The following ZC4H2 variants were observed in gnomAD, a reference collection of about 807,000 sequenced individuals.
ZC4H2 encodes the protein zinc finger C4H2-type containing.
For missense variants in ZC4H2, 137 were observed against 173.9 expected (o/e 0.79, Z 1.19); for synonymous variants, 84 against 66.3 (o/e 1.27, Z -1.30).
intron 1 of ZC4H2, among the ~76,000 whole-genome samples, chrX:65,000,406 G>A (rs1486566706): frequency 8.9e-6 from 1 of 111,845 alleles, no homozygotes; most frequent in East Asian, 2.8e-4. Flanking sequence ...AAAAAAGGAC[G>A]TCCTGGCAGA....
At chrX:65,014,580 T>C (rs1441306426) in intron 1 of ZC4H2, among the ~76,000 whole-genome samples, 1 of 111,915 alleles carries the variant, frequency 8.9e-6, no homozygotes, top group Non-Finnish European at 1.9e-5. Context: ...AAACTGGGTT[T>C]AAGTCTTCAT....
upstream of ZC4H2, among the ~76,000 whole-genome samples, chrX:64,981,449 G>A (rs922515374): frequency 9.0e-6 from 1 of 110,705 alleles, no homozygotes; most frequent in Non-Finnish European, 1.9e-5. Context: ...AAGAAAAATG[G>A]GCTGATTGGG....
At chrX:64,974,973 CAAAAAAAAAAA>C (rs58569761) in intron 1 of ZC4H2, among the ~76,000 whole-genome samples, 2 of 35,862 alleles carry the variant, frequency 5.6e-5, no homozygotes, top group African/African-American at 7.4e-5. Context: ...ATGCTTTTGC[CAAAAAAAAAAA>C]AAAAAAAAAA....
rs754793195 is a variant in ZC4H2, at chrX:64,921,961, G to C, written c.81C>G (p.Ile27Met). 9 of 1,208,217 alleles carry C rather than the reference G, an allele frequency of 7.4e-6. No homozygotes were observed. In the East Asian group the frequency reaches 2.7e-4, roughly 36 times the overall value. ...CAAACTCAGCCTTCAAACGAGCCTT[G>C]ATCTTCTCCATCTGCAGGGTCTTGT... The part of the protein sequence containing the change: ...IRNKTLQMEK[I>M]KARLKAEFEA... The change falls in exon 2 of 5, where the codon ATC becomes ATG. Residue 27 changes from isoleucine (I) to methionine (M), a missense_variant. Transcript: ENST00000374839.
intron 1 of ZC4H2, among the ~76,000 whole-genome samples, chrX:65,007,132 CAA>C (rs200994633): frequency 8.9e-5 from 8 of 90,244 alleles, no homozygotes; most frequent in Admixed American, 1.2e-4. Context: ...ACTTGTTGTT[CAA>C]AAAAAAAAAA....
intron 1 of ZC4H2, chrX:64,965,569 A>T (rs776317469): frequency 2.5e-5 from 7 of 281,078 alleles, no homozygotes; most frequent in Admixed American, 9.2e-5. Flanking sequence ...GACTTAGGCA[A>T]ACATTTCTCC....
rs1466782722 is a variant in ZC4H2 at position 64,961,489 on chromosome X, T to C, written c.53+14836A>G. Among the ~76,000 whole-genome samples, 5 of 111,285 alleles carry C rather than the reference T, an allele frequency of 4.5e-5. No individual in the cohort carries two copies. The Admixed American group carries it at 4.8e-4, about 11-fold the overall frequency. Reference sequence around the variant, plus strand: ...AGTTTTTCCTCAAGCTTTTTGAACATATGAAATGGATTTATAATAACTTTT... The same window carrying C: ...AGTTTTTCCTCAAGCTTTTTGAACACATGAAATGGATTTATAATAACTTTT... On this transcript the variant is annotated intron_variant, in intron 1 of 4. Transcript: ENST00000374839.
At chrX:64,941,447 G>C (rs1930277109) in intron 1 of ZC4H2, among the ~76,000 whole-genome samples, 1 of 111,977 alleles carries the variant, frequency 8.9e-6, no homozygotes, top group Non-Finnish European at 1.9e-5. Context: ...GGAGTGGTGA[G>C]AGAGGTCATT....
chrX:64,954,326 A>ATATATATATAAT lies in ZC4H2; in HGVS notation c.53+21998_53+21999insATTATATATATA, dbSNP rs1931035787. Among the ~76,000 whole-genome samples, 2 of 78,221 alleles carry ATATATATATAAT rather than the reference A, an allele frequency of 2.6e-5. 1 individual carries two copies. Among genetic ancestry groups the ATATATATATAAT allele is most frequent in the African/African-American group, 1.3e-4 (2 of 15,220 alleles). The allele number at this position is 78,221 out of a possible 115,157, so 67.9% of individuals were successfully genotyped here. On this transcript the variant is annotated intron_variant, in intron 1 of 4. Transcript: ENST00000374839. ...TAAAACTTAAAGTATAATTATATAT[A>ATATATATATAAT]TATATATATATAATTATATATATAT...
intron 1 of ZC4H2, among the ~76,000 whole-genome samples, chrX:64,949,391 C>T (rs1017228738): frequency 2.7e-5 from 3 of 111,767 alleles, no homozygotes; most frequent in African/African-American, 9.7e-5. Flanking sequence ...GAATGACTTA[C>T]AGTACCTAGA....
intron 1 of ZC4H2, among the ~76,000 whole-genome samples, chrX:64,982,072 C>T (rs1223948629): frequency 9.0e-6 from 1 of 111,460 alleles, no homozygotes; most frequent in African/African-American, 3.3e-5. Context: ...TTTTTCCCCT[C>T]TGCAAGTCCG....
At chrX:64,922,084 C>A in intron 1 of ZC4H2, 96 bp from the exon 2 acceptor site, 3 of 1,130,485 alleles carry the variant, frequency 2.7e-6, no homozygotes, top group African/African-American at 1.8e-5. Flanking sequence ...TTACAAGCTT[C>A]CCCCTCTCCA....
chrX:64,963,817 A>G (rs1217163816), intron 1 of ZC4H2, among the ~76,000 whole-genome samples: 5 of 111,716 alleles, frequency 4.5e-5, no homozygotes, highest in African/African-American at 6.5e-5. Context: ...AACAACCTAA[A>G]TGAATGAATT....
At position 64,916,050 on chromosome X, in the gene ZC4H2, G is replaced by GA. The variant is rs1274954961; in HGVS notation, c.*1732dup. On this transcript the variant is annotated 3_prime_UTR_variant, in exon 5 of 5. Coordinates refer to ENST00000374839, the MANE Select transcript of ZC4H2 (RefSeq NM_018684.4). ...TAAAAATGATCATGGAGAAGAAGTA[G>GA]AAAAAAATGAGCTCTGGAGTTGGAC... 4 of 111,826 alleles carry GA rather than the reference G, an allele frequency of 3.6e-5. No homozygotes were observed. Among genetic ancestry groups the GA allele is most frequent in the Non-Finnish European group, 7.5e-5 (4 of 53,135 alleles). The allele number at this position is 111,826 out of a possible 1,213,427, so 9.2% of individuals were successfully genotyped here.
intron 1 of ZC4H2, among the ~76,000 whole-genome samples, chrX:64,930,134 G>A (rs2147360228): frequency 9.0e-6 from 1 of 111,305 alleles, no homozygotes; most frequent in Non-Finnish European, 1.9e-5. Flanking sequence ...TGCGGCTGTT[G>A]TAAAATGGGT....
chrX:65,025,507 CACA>C (rs979629367), intron 1 of ZC4H2, among the ~76,000 whole-genome samples: 1 of 111,381 alleles, frequency 9.0e-6, no homozygotes, highest in Non-Finnish European at 1.9e-5. Flanking sequence ...AAATTCCTGC[CACA>C]ACAAGATGTG....
chrX:64,975,381 C>G (rs967142350), intron 1 of ZC4H2, among the ~76,000 whole-genome samples: 1 of 106,924 alleles, frequency 9.4e-6, no homozygotes, highest in African/African-American at 3.4e-5. Flanking sequence ...AGGGTTAAAT[C>G]TCATGATCAA....
intron 1 of ZC4H2, among the ~76,000 whole-genome samples, chrX:65,026,663 C>T (rs749255298): frequency 1.9e-5 from 2 of 106,126 alleles, no homozygotes; most frequent in African/African-American, 6.9e-5. Flanking sequence ...GAGCCGAGAT[C>T]GCACCACTGC....
chrX:64,954,153 C>T (rs1470674349), intron 1 of ZC4H2, among the ~76,000 whole-genome samples: 1 of 102,768 alleles, frequency 9.7e-6, no homozygotes, highest in African/African-American at 3.7e-5. Flanking sequence ...GAACATCATA[C>T]ACCGGGGCCT....
Sources: gnomAD v4.1 joint callset for allele counts (sites outside exome capture counted in the v4.1 genomes callset) on GRCh38, gnomAD v4.1.1 for gene constraint, MANE v1.5 for transcripts, NCBI Gene and HGNC (gene_info 2026-07-23, HGNC 2026-07-21) for gene names.